Variants in GRM7 observed in about 807,000 individuals in gnomAD.
The protein encoded by GRM7 is glutamate metabotropic receptor 7.
Under a neutral mutation model 84.5 loss-of-function variants are expected in GRM7, and 35 were observed. The observed-to-expected ratio is 0.41, with a 90% CI of 0.32 to 0.55. The LOEUF (loss-of-function observed/expected upper bound fraction) is 0.55. Among genes scored for constraint, GRM7 ranks in the 20% least tolerant of loss-of-function variants. GRM7 has a pLI of 0.19. For synonymous variants in GRM7, 487 were observed against 455.1 expected (o/e 1.07, Z -0.89); for missense variants, 1,003 against 1,194.6 (o/e 0.84, Z 2.36).
chr3:7,062,945 AAAT>A (rs1226754142), intron 1 of GRM7, among the ~76,000 whole-genome samples: 2 of 151,752 alleles, frequency 1.3e-5, no homozygotes, highest in African/African-American at 4.8e-5. Flanking sequence ...TAGTTGAAGG[AAAT>A]AATAAGTTCC....
At chr3:7,096,868 A>T (rs1698877404) in intron 1 of GRM7, among the ~76,000 whole-genome samples, 1 of 152,178 alleles carries the variant, frequency 6.6e-6, no homozygotes, top group Admixed American at 6.6e-5. Flanking sequence ...GACCAGATAT[A>T]TTCTTTATTA....
intron 9 of GRM7, among the ~76,000 whole-genome samples, chr3:7,719,655 G>A (rs529735708): frequency 1.8e-4 from 28 of 152,038 alleles, no homozygotes; most frequent in Admixed American, 1.8e-3. Context: ...TACTAAAAGT[G>A]CAAAAAATTA....
rs1350216066 is a variant in GRM7 at position 7,415,119 on chromosome 3, C to T, written c.1130C>T (p.Thr377Met). 9.9e-6 allele frequency: 16 copies of T among 1,611,420 alleles called. No homozygotes were observed. The highest frequency in any genetic ancestry group is 2.2e-5 in the East Asian group (1 of 44,828). ...YWEENFNCKLTISGSKKEDTD... is the reference protein window; with the variant it reads ...YWEENFNCKLMISGSKKEDTD... ...GAGGAAAACTTCAACTGCAAGTTGACGATTAGTGGGTCAAAAAAAGAAGAC... is the reference window on the plus strand; with the variant it reads ...GAGGAAAACTTCAACTGCAAGTTGATGATTAGTGGGTCAAAAAAAGAAGAC... Residue 377 changes from threonine to methionine, a missense_variant, in exon 5 of 10, where the codon ACG becomes ATG. By Grantham distance (81) the Thr-to-Met change is moderately conservative. Around this residue, in one of 2 missense-constraint regions of GRM7, gnomAD observed 910 missense variants for 1,126.0 expected, o/e 0.81. Transcript: ENST00000357716.
intron 7 of GRM7, among the ~76,000 whole-genome samples, chr3:7,524,113 G>A (rs1700701871): frequency 6.6e-6 from 1 of 152,022 alleles, no homozygotes; most frequent in African/African-American, 2.4e-5. Flanking sequence ...CTCAAAGAAA[G>A]TCAGATGGGT....
rs79765282 is a variant in GRM7 at position 7,492,812 on chromosome 3, G to A, written c.1515+31090G>A. Among the ~76,000 whole-genome samples, 498 of 152,128 alleles carry A rather than the reference G, an allele frequency of 3.3e-3. 17 individuals carry two copies. In the East Asian group the frequency reaches 0.059, roughly 18 times the overall value. On this transcript the variant is annotated intron_variant, in intron 7 of 9. Coordinates refer to ENST00000357716, the MANE Select transcript of GRM7 (RefSeq NM_000844.4). ...TGACAACTTTCCTCACTTTAATGTA[G>A]TCATTTAATCATATAAATATCCCTC...
At chr3:7,576,594 T>A (rs1694972360) in intron 7 of GRM7, among the ~76,000 whole-genome samples, 1 of 152,340 alleles carries the variant, frequency 6.6e-6, no homozygotes, top group East Asian at 1.9e-4. Flanking sequence ...ATATGCAATA[T>A]ATTATTTTTC....
intron 1 of GRM7, among the ~76,000 whole-genome samples, chr3:6,914,903 C>A (rs573804708): frequency 6.6e-6 from 1 of 152,264 alleles, no homozygotes; most frequent in South Asian, 2.1e-4. Context: ...TGGCCCCTAT[C>A]GTTCTTTGCA....
chr3:7,590,870 C>T (rs1211018930), intron 8 of GRM7, among the ~76,000 whole-genome samples: 2 of 152,156 alleles, frequency 1.3e-5, no homozygotes, highest in East Asian at 3.9e-4. Flanking sequence ...GGTTTGTTCA[C>T]GTGTACCTGT....
intron 7 of GRM7, among the ~76,000 whole-genome samples, chr3:7,514,941 T>G (rs969861465): frequency 6.6e-6 from 1 of 152,076 alleles, no homozygotes; most frequent in African/African-American, 2.4e-5. Context: ...TTTTCTGAAT[T>G]CGAGTTATGA....
At chr3:7,724,081 G>T (rs1702040147) in intron 9 of GRM7, among the ~76,000 whole-genome samples, 1 of 152,156 alleles carries the variant, frequency 6.6e-6, no homozygotes, top group Non-Finnish European at 1.5e-5. Flanking sequence ...ATACGGAGCT[G>T]TTGTGAGCCT....
At chr3:7,731,084 GT>G (rs201314100) in intron 9 of GRM7, among the ~76,000 whole-genome samples, 40 of 144,716 alleles carry the variant, frequency 2.8e-4, no homozygotes, top group South Asian at 6.7e-4. Context: ...TTTTTCTTTT[GT>G]TTTTTTTTTT....
intron 8 of GRM7, among the ~76,000 whole-genome samples, chr3:7,618,864 G>C (rs925906312): frequency 6.6e-6 from 1 of 152,106 alleles, no homozygotes; most frequent in Non-Finnish European, 1.5e-5. Flanking sequence ...GCATTGACCT[G>C]CATGTAGAAA....
At chr3:7,262,743 G>A (rs1362556262) in intron 2 of GRM7, among the ~76,000 whole-genome samples, 1 of 152,086 alleles carries the variant, frequency 6.6e-6, no homozygotes, top group Non-Finnish European at 1.5e-5. Context: ...GTCACACCAG[G>A]CTGGAGTGCA....
intron 1 of GRM7, among the ~76,000 whole-genome samples, chr3:6,967,442 A>T (rs1693566935): frequency 6.6e-6 from 1 of 152,098 alleles, no homozygotes; most frequent in African/African-American, 2.4e-5. Context: ...TGATCGGCTC[A>T]CTTTGGTCTC....
chr3:7,083,331 T>C (rs994063278), intron 1 of GRM7, among the ~76,000 whole-genome samples: 5 of 152,194 alleles, frequency 3.3e-5, no homozygotes, highest in African/African-American at 1.2e-4. Flanking sequence ...AGCAATAAAG[T>C]ATTTTTAAGT....
intron 8 of GRM7, among the ~76,000 whole-genome samples, chr3:7,656,968 T>G (rs1309567021): frequency 6.6e-6 from 1 of 152,208 alleles, no homozygotes. Flanking sequence ...GTATTTACTT[T>G]GAGTGAAGTA....
chr3:7,400,719 T>C (rs1173799684), intron 4 of GRM7, among the ~76,000 whole-genome samples: 3 of 152,196 alleles, frequency 2.0e-5, no homozygotes, highest in African/African-American at 7.2e-5. Context: ...GTAACTTTCA[T>C]AGGCTATCTT....
chr3:7,100,818 G>A (rs149227555), intron 1 of GRM7, among the ~76,000 whole-genome samples: 161 of 151,812 alleles, frequency 1.1e-3, no homozygotes, highest in Non-Finnish European at 1.1e-3. Context: ...AAGGCAAATC[G>A]TGTTCTGACA....
chr3:7,227,545 C>G (rs1166747761), intron 2 of GRM7, among the ~76,000 whole-genome samples: 1 of 152,094 alleles, frequency 6.6e-6, no homozygotes, highest in East Asian at 1.9e-4. Flanking sequence ...CCTTTTTATT[C>G]ATCTGCAAAA....
Sources: gnomAD v4.1 joint callset for allele counts (sites outside exome capture counted in the v4.1 genomes callset) on GRCh38, gnomAD v4.1.1 for gene constraint, gnomAD v4.1.1 regional missense constraint, MANE v1.5 for transcripts, NCBI Gene and HGNC (gene_info 2026-07-23, HGNC 2026-07-21) for gene names.